The following SHISA2 variants were observed in gnomAD, a reference collection of about 807,000 sequenced individuals.
SHISA2 encodes the protein protein shisa-2 homolog.
In SHISA2, 16 loss-of-function variants were observed where a neutral mutation model predicts 23.8. That is an observed-to-expected ratio of 0.67 (90% confidence interval 0.46 to 1.02). SHISA2 has a LOEUF of 1.02. SHISA2 is among the 50% of genes least tolerant of loss of function. SHISA2 has a pLI of 0.00. For synonymous variants in SHISA2, 201 were observed against 178.6 expected (o/e 1.13, Z -1.00); for missense variants, 459 against 420.1 (o/e 1.09, Z -0.81).
Position 26,047,450 on chromosome 13 carries a change from T to C in SHISA2, c.335-384A>G, listed in dbSNP as rs531770187. On this transcript the variant is annotated intron_variant, in intron 1 of 1. Transcript: ENST00000319420. Reference sequence around the variant, plus strand: ...CCAAACTTAAGTCTGCCCGACCATATTGTTGTAGGATCTTCATAGTAATAA... The same window carrying C: ...CCAAACTTAAGTCTGCCCGACCATACTGTTGTAGGATCTTCATAGTAATAA... 1.7e-4 allele frequency among the ~76,000 whole-genome samples: 26 copies of C among 152,332 alleles called. No individual in the cohort carries two copies. In the Middle Eastern group the frequency reaches 0.01, roughly 60 times the overall value.
rs1593750215 is a variant in SHISA2, at chr13:26,050,984, C to A, written c.-9G>T. On this transcript the variant is annotated 5_prime_UTR_variant, in exon 1 of 2. Transcript: ENST00000319420. ...CGGCGAGCGCCCCACATGGCACCAC[C>A]CTGGGCGCGGACAGCGCGTCTCCAG... 2 of 1,493,578 alleles carry A rather than the reference C, an allele frequency of 1.3e-6. No homozygotes were observed. Among genetic ancestry groups the A allele is most frequent in the East Asian group, 5.5e-5 (2 of 36,282 alleles). 92.5% of individuals were successfully genotyped at this position (1,493,578 alleles called of 1,614,324 possible). A position where few individuals can be genotyped will look rare whatever the true frequency, so the allele number is the denominator to read the frequency against.
Position 26,051,007 on chromosome 13 carries a change from CAG to C in SHISA2, c.-34_-33del. 3 of 1,468,416 alleles carry C rather than the reference CAG, an allele frequency of 2.0e-6. No homozygotes were observed. The highest frequency in any genetic ancestry group is 2.7e-6 in the Non-Finnish European group (3 of 1,118,100). The allele number at this position is 1,468,416 out of a possible 1,614,324, so 91.0% of individuals were successfully genotyped here. A position where few individuals can be genotyped will look rare whatever the true frequency, so the allele number is the denominator to read the frequency against. ...ACCCTGGGCGCGGACAGCGCGTCTC[CAG>C]AGAGCGCAGGACGGTCTCCGAGAAG... On this transcript the variant is annotated 5_prime_UTR_variant, in exon 1 of 2. Transcript: ENST00000319420.
Position 26,044,845 on chromosome 13 carries a change from A to T in SHISA2, c.*1668T>A, listed in dbSNP as rs1197140072. On this transcript the variant is annotated 3_prime_UTR_variant, in exon 2 of 2. Transcript: ENST00000319420. ...GTTGGAAATGTACTTGCACATCCTT[A>T]AAGTTATCTTTTTTTATATAAGTAA... 1 of 152,234 alleles carries T rather than the reference A, an allele frequency of 6.6e-6. No homozygotes were observed. The highest frequency in any genetic ancestry group is 1.5e-5 in the Non-Finnish European group (1 of 68,032). 9.4% of individuals were successfully genotyped at this position (152,234 alleles called of 1,614,324 possible).
rs749233328 is a variant in SHISA2, at chr13:26,047,017, A to T, written c.384T>A (p.Phe128Leu). Reference sequence around the variant, plus strand: ...CTGCCACCAGGGACCCCAAGATGATAAAGGCGACAAACACGGAGCCAACAA... The same window carrying T: ...CTGCCACCAGGGACCCCAAGATGATTAAGGCGACAAACACGGAGCCAACAA... ...FLIVGSVFVA[F>L]IILGSLVAAC... The change falls in exon 2 of 2, where the codon TTT becomes TTA. Residue 128 changes from phenylalanine to leucine, a missense_variant. Transcript: ENST00000319420. The T allele has an allele frequency of 7.0e-6, 11 of 1,576,078 alleles. No individual in the cohort carries two copies. Among genetic ancestry groups the T allele is most frequent in the Non-Finnish European group, 9.5e-6 (11 of 1,160,234 alleles).
In SHISA2 at chr13:26,051,500, TGG is replaced by T. The variant is rs1957304054; in HGVS notation, c.-527_-526del. 6.6e-6 allele frequency among the ~76,000 whole-genome samples: 1 copy of T among 152,182 alleles called. No individual in the cohort carries two copies. Among genetic ancestry groups the T allele is most frequent in the African/African-American group, 2.4e-5 (1 of 41,462 alleles). ...AAGGCGGGCAGTGCACGCAAGGCTC[TGG>T]GCAGCAAGTGACGCAGCCGGCCGCG... On this transcript the variant is annotated 5_prime_UTR_variant, in exon 1 of 2. The change abolishes the stop of an existing upstream ORF in the 5' untranslated region. Coordinates refer to ENST00000319420, the MANE Select transcript of SHISA2 (RefSeq NM_001007538.2).
At position 26,046,617 on chromosome 13, in the gene SHISA2, C is replaced by T. The variant is rs1957269498; in HGVS notation, c.784G>A (p.Val262Met). The T allele has an allele frequency of 1.2e-6, 2 of 1,614,104 alleles. No homozygotes were observed. Among genetic ancestry groups the T allele is most frequent in the African/African-American group, 2.7e-5 (2 of 74,938 alleles). ...VQHDSVPMTA[V>M]PPFMDGLQPG... ...TGCAGGCCGTCCATGAAAGGTGGCA[C>T]AGCTGTCATGGGCACAGAGTCGTGC... is the stretch of plus-strand genomic sequence containing the variant. Residue 262 changes from valine (V) to methionine (M), a missense_variant, in exon 2 of 2, where the codon GTG becomes ATG. Physicochemically the swap from Val to Met is conservative, Grantham distance 21. Transcript: ENST00000319420.
chr13:26,047,255 T>C (rs1053637673), intron 1 of SHISA2, among the ~76,000 whole-genome samples, 189 bp from the exon 2 acceptor site: 12 of 152,238 alleles, frequency 7.9e-5, no homozygotes, highest in Admixed American at 7.8e-4. Flanking sequence ...CTTAGAAAGG[T>C]CCTAAGACCC....
chr13:26,047,826 A>T (rs1957277542), intron 1 of SHISA2, among the ~76,000 whole-genome samples: 1 of 152,224 alleles, frequency 6.6e-6, no homozygotes, highest in Admixed American at 6.5e-5. Context: ...AGGAGCAACA[A>T]GACGTGTTCC....
In SHISA2 at chr13:26,045,092, T is replaced by C. The variant is rs547330642; in HGVS notation, c.*1421A>G. On this transcript the variant is annotated 3_prime_UTR_variant, in exon 2 of 2. Coordinates refer to ENST00000319420, the MANE Select transcript of SHISA2 (RefSeq NM_001007538.2). ...GCCTTATGATCTGCAAAGTAAATCG[T>C]ATCTGGTTTAAATTTCATCCCAAGT... 1.2e-4 allele frequency: 18 copies of C among 152,336 alleles called. No homozygotes were observed. Among genetic ancestry groups the C allele is most frequent in the South Asian group, 4.1e-4 (2 of 4,834 alleles). 9.4% of individuals were successfully genotyped at this position (152,336 alleles called of 1,614,324 possible).
chr13:26,051,747 G>C lies in SHISA2; in HGVS notation c.-772C>G, dbSNP rs559135374. Among the ~76,000 whole-genome samples the C allele has an allele frequency of 9.0e-4, 137 of 152,164 alleles. No individual in the cohort carries two copies. The highest frequency in any genetic ancestry group is 3.1e-3 in the African/African-American group (130 of 41,556). On this transcript the variant is annotated 5_prime_UTR_variant, in exon 1 of 2. Transcript: ENST00000319420. ...CCCGGGAGCCTGCCCAGCTGGCGGC[G>C]GCCGCGGCTGCTGCTGGGCGCGGAT...
chr13:26,050,675 G>A lies in SHISA2; in HGVS notation c.301C>T (p.Arg101Trp). The A allele has an allele frequency of 2.7e-6, 4 of 1,455,130 alleles. No homozygotes were observed. Among genetic ancestry groups the A allele is most frequent in the Non-Finnish European group, 3.6e-6 (4 of 1,112,148 alleles). 90.1% of individuals were successfully genotyped at this position (1,455,130 alleles called of 1,614,324 possible). The part of the protein sequence containing the change: ...DRQQGAGEPG[R>W]ADKDGPDGSA... ...CCGTCGGGGCCGTCTTTGTCCGCCC[G>A]GCCAGGCTCGCCAGCGCCCTGCTGG... Residue 101 changes from arginine to tryptophan, a missense_variant, in exon 1 of 2, where the codon CGG becomes TGG. Arg to Trp is a moderately radical substitution (Grantham distance 101). Coordinates refer to ENST00000319420, the MANE Select transcript of SHISA2 (RefSeq NM_001007538.2).
At chr13:26,050,490 G>T in intron 1 of SHISA2, 152 bp downstream of exon 1, 1 of 752,416 alleles carries the variant, frequency 1.3e-6, no homozygotes, top group Non-Finnish European at 1.9e-6. Context: ...GTGAATTAGG[G>T]ACCCACACCG....
Position 26,050,774 on chromosome 13 carries a change from C to T in SHISA2, c.202G>A (p.Gly68Ser), listed in dbSNP as rs865917996. The change falls in exon 1 of 2, where the codon GGC becomes AGC. Residue 68 changes from glycine (G) to serine (S), a missense_variant. Gly to Ser is a moderately conservative substitution (Grantham distance 56). Coordinates refer to ENST00000319420, the MANE Select transcript of SHISA2 (RefSeq NM_001007538.2). ...FDGGDATICC[G>S]SCALRYCCSS... ...CAGCAGTAGCGCAACGCGCAGCTGC[C>T]GCAGCAGATGGTGGCGTCGCCGCCG... 1 of 1,521,364 alleles carries T rather than the reference C, an allele frequency of 6.6e-7. No homozygotes were observed. Among genetic ancestry groups the T allele is most frequent in the African/African-American group, 1.4e-5 (1 of 69,960 alleles). The allele number at this position is 1,521,364 out of a possible 1,614,324, so 94.2% of individuals were successfully genotyped here.
intron 1 of SHISA2, 79 bp downstream of exon 1, chr13:26,050,563 C>T (rs1197091780): frequency 7.6e-7 from 1 of 1,311,938 alleles, no homozygotes. Context: ...CTGAATTTCC[C>T]CCCTTCAAAC....
At chr13:26,049,764 C>T (rs1427741427) in intron 1 of SHISA2, among the ~76,000 whole-genome samples, 1 of 151,986 alleles carries the variant, frequency 6.6e-6, no homozygotes, top group Non-Finnish European at 1.5e-5. Flanking sequence ...AGCGAAAAGC[C>T]TCCCAGGTAA....
rs755327755 is a variant in SHISA2, at chr13:26,046,885, G to C, written c.516C>G (p.Thr172=). 7.4e-6 allele frequency: 12 copies of C among 1,613,608 alleles called. No homozygotes were observed. The highest frequency in any genetic ancestry group is 5.0e-5 in the Admixed American group (3 of 59,956). The stretch of plus-strand genomic sequence containing the variant: ...ACTGGCGTGAGGACGACCCCCGGGA[G>C]GTGCTGGCACTGGGGATCATGGGGA... ...ETIPMIPSAS[T]SRGSSSRQSS... is the part of the protein sequence containing the mutation. Residue 172 remains threonine (T), a synonymous_variant, in exon 2 of 2, where the codon ACC becomes ACG. Coordinates refer to ENST00000319420, the MANE Select transcript of SHISA2 (RefSeq NM_001007538.2).
intron 1 of SHISA2, among the ~76,000 whole-genome samples, chr13:26,047,673 A>T (rs1208482531): frequency 1.3e-5 from 2 of 152,212 alleles, no homozygotes; most frequent in African/African-American, 2.4e-5. Context: ...GGAGGGGTTT[A>T]AAAAAGACCC....
rs1199987809 is a variant in SHISA2 at position 26,051,761 on chromosome 13, C to T, written c.-786G>A. Among the ~76,000 whole-genome samples the T allele has an allele frequency of 2.6e-5, 4 of 152,112 alleles. No individual in the cohort carries two copies. The highest frequency in any genetic ancestry group is 9.7e-5 in the African/African-American group (4 of 41,448). ...CAGCTGGCGGCGGCCGCGGCTGCTGCTGGGCGCGGATCCAGGCGGGCGGCT... is the reference window on the plus strand; with the variant it reads ...CAGCTGGCGGCGGCCGCGGCTGCTGTTGGGCGCGGATCCAGGCGGGCGGCT... On this transcript the variant is annotated 5_prime_UTR_variant, in exon 1 of 2. Coordinates refer to ENST00000319420, the MANE Select transcript of SHISA2 (RefSeq NM_001007538.2).
Position 26,050,306 on chromosome 13 carries a change from T to C in SHISA2, c.334+336A>G, listed in dbSNP as rs114031780. Among the ~76,000 whole-genome samples the C allele has an allele frequency of 8.3e-3, 1,269 of 152,176 alleles. 13 individuals are homozygous for C. Among genetic ancestry groups the C allele is most frequent in the African/African-American group, 0.029 (1,206 of 41,536 alleles). ...CCCTCGCCGTCTCCTTGGGTACCCCTAAGACATGAAGCCCTATGGAGACAG... is the reference window on the plus strand; with the variant it reads ...CCCTCGCCGTCTCCTTGGGTACCCCCAAGACATGAAGCCCTATGGAGACAG... On this transcript the variant is annotated intron_variant, in intron 1 of 1. Coordinates refer to ENST00000319420, the MANE Select transcript of SHISA2 (RefSeq NM_001007538.2).
Sources: gnomAD v4.1 joint callset for allele counts (sites outside exome capture counted in the v4.1 genomes callset) on GRCh38, gnomAD v4.1.1 for gene constraint, MANE v1.5 for transcripts, NCBI Gene and HGNC (gene_info 2026-07-23, HGNC 2026-07-21) for gene names.